The following GPHN variants were observed in gnomAD, a reference collection of about 807,000 sequenced individuals.
The protein encoded by GPHN is gephyrin.
Under a neutral mutation model 95.5 loss-of-function variants are expected in GPHN, and 17 were observed. That is an observed-to-expected ratio of 0.18 (90% CI 0.12 to 0.27). The LOEUF (loss-of-function observed/expected upper bound fraction) is 0.27, where lower values mean the gene tolerates loss of function less well. GPHN is among the 10% of genes least tolerant of loss of function. The pLI is 1.00. For missense variants in GPHN, 660 were observed against 978.1 expected, an observed-to-expected ratio of 0.67 and a Z score of 4.34; for synonymous variants, 320 against 322.5, an observed-to-expected ratio of 0.99 and a Z score of 0.08.
the GPHN span, among the ~76,000 whole-genome samples, chr14:67,701,572 C>CGCCA: frequency 6.6e-6 from 1 of 151,500 alleles, no homozygotes; most frequent in Non-Finnish European, 1.5e-5. Context: ...TACAGGCATG[C>CGCCA]GCCACCATAC....
chr14:67,391,239 T>C, the GPHN span, among the ~76,000 whole-genome samples: 6 of 151,826 alleles, frequency 4.0e-5, no homozygotes, highest in African/African-American at 1.5e-4. Context: ...CGATCAATTA[T>C]ATGATAAAAT....
At chr14:66,628,012 G>T (rs994359456) in intron 1 of GPHN, among the ~76,000 whole-genome samples, 1 of 152,030 alleles carries the variant, frequency 6.6e-6, no homozygotes, top group African/African-American at 2.4e-5. Context: ...GTCTTTTTGT[G>T]CCCTAAAAAG....
chr14:66,515,960 A>G (rs1363639633), intron 1 of GPHN, among the ~76,000 whole-genome samples: 1 of 152,162 alleles, frequency 6.6e-6, no homozygotes, highest in African/African-American at 2.4e-5. Flanking sequence ...TTAAGTAGAT[A>G]ACAAGTACAA....
At chr14:66,813,235 G>T (rs1290283757) in intron 3 of GPHN, among the ~76,000 whole-genome samples, 1 of 152,088 alleles carries the variant, frequency 6.6e-6, no homozygotes, top group Non-Finnish European at 1.5e-5. Flanking sequence ...TCAAACAAAT[G>T]ACAACAAAAA....
intron 8 of GPHN, among the ~76,000 whole-genome samples, chr14:66,951,360 A>G (rs777069208): frequency 7.9e-5 from 12 of 152,036 alleles, no homozygotes; most frequent in Non-Finnish European, 1.5e-4. Context: ...CTACTAAAAT[A>G]CAAAAATTAG....
At chr14:66,862,010 T>C (rs950793211) in intron 4 of GPHN, among the ~76,000 whole-genome samples, 1 of 151,840 alleles carries the variant, frequency 6.6e-6, no homozygotes, top group Non-Finnish European at 1.5e-5. Flanking sequence ...ATAAATGAAT[T>C]TGAAATGAAG....
chr14:66,764,648 G>A (rs2058894529), intron 2 of GPHN, among the ~76,000 whole-genome samples: 1 of 152,058 alleles, frequency 6.6e-6, no homozygotes, highest in African/African-American at 2.4e-5. Flanking sequence ...GGTCTAAAAA[G>A]TTAAGCACAG....
chr14:67,629,428 G>A, the GPHN span, among the ~76,000 whole-genome samples: 1 of 152,212 alleles, frequency 6.6e-6, no homozygotes, highest in African/African-American at 2.4e-5. Context: ...ATAAGCCAGT[G>A]ACAAAAGGAC....
At chr14:67,663,085 G>T in the GPHN span, 1 of 1,485,844 alleles carries the variant, frequency 6.7e-7, no homozygotes, top group Non-Finnish European at 8.9e-7. Flanking sequence ...GTGTGGCACC[G>T]GCAATGACTT....
At chr14:67,006,896 A>T (rs1469484628) in intron 9 of GPHN, among the ~76,000 whole-genome samples, 4 of 152,196 alleles carry the variant, frequency 2.6e-5, no homozygotes, top group Non-Finnish European at 2.9e-5. Context: ...CTTTTGGTCA[A>T]ATTAGGACTG....
At chr14:67,437,458 T>C in the GPHN span, among the ~76,000 whole-genome samples, 1 of 152,152 alleles carries the variant, frequency 6.6e-6, no homozygotes, top group African/African-American at 2.4e-5. Context: ...TTAGGAGATT[T>C]CCATTTTTGT....
At position 66,970,210 on chromosome 14, in the gene GPHN, A is replaced by G. The variant is rs188565601; in HGVS notation, c.963+4885A>G. ...AGATGTATTGAAATATCTTTATATG[A>G]GGGATATATACCTTTAATCCACTAA... On this transcript the variant is annotated intron_variant, in intron 9 of 22. Coordinates refer to ENST00000478722, the MANE Select transcript of GPHN (RefSeq NM_020806.5). Among the ~76,000 whole-genome samples, 390 of 152,048 alleles carry G rather than the reference A, an allele frequency of 2.6e-3. 3 individuals carry two copies. The highest frequency in any genetic ancestry group is 4.3e-3 in the Non-Finnish European group (291 of 67,966).
chr14:67,062,327 C>A (rs1161847869), intron 11 of GPHN, among the ~76,000 whole-genome samples: 1 of 152,154 alleles, frequency 6.6e-6, no homozygotes, highest in African/African-American at 2.4e-5. Flanking sequence ...TTTGGGGGAA[C>A]CAAAAGGCCT....
intron 1 of GPHN, among the ~76,000 whole-genome samples, chr14:66,538,392 C>T (rs2059219573): frequency 6.6e-6 from 1 of 151,328 alleles, no homozygotes; most frequent in South Asian, 2.1e-4. Flanking sequence ...CTACCCCAAT[C>T]TCTCTCTCCT....
chr14:67,091,983 G>A (rs1042888314), intron 12 of GPHN, among the ~76,000 whole-genome samples: 2 of 151,952 alleles, frequency 1.3e-5, no homozygotes, highest in African/African-American at 4.8e-5. Context: ...ACATATAAGA[G>A]CGACATAAGT....
chr14:67,340,088 G>C, the GPHN span: 1 of 172,982 alleles, frequency 5.8e-6, no homozygotes, highest in Non-Finnish European at 1.2e-5. Flanking sequence ...AAGGTAATGA[G>C]TTCTCTCTAT....
At chr14:67,037,895 G>A (rs751336672) in intron 10 of GPHN, among the ~76,000 whole-genome samples, 4 of 151,740 alleles carry the variant, frequency 2.6e-5, no homozygotes, top group East Asian at 1.9e-4. Flanking sequence ...ATAGTATGGC[G>A]TTTCTTCAAA....
intron 5 of GPHN, among the ~76,000 whole-genome samples, chr14:66,888,557 A>G (rs188956303): frequency 6.8e-4 from 104 of 152,276 alleles, no homozygotes; most frequent in African/African-American, 2.4e-3. Context: ...TGTAATCTTC[A>G]TAGTGGCCAC....
intron 19 of GPHN, among the ~76,000 whole-genome samples, chr14:67,160,222 A>G (rs990954618): frequency 6.6e-6 from 1 of 152,144 alleles, no homozygotes; most frequent in Non-Finnish European, 1.5e-5. Flanking sequence ...AAAATGGATC[A>G]TGTTTCCTGA....
Sources: allele counts gnomAD v4.1 joint callset (sites outside exome capture counted in the v4.1 genomes callset), GRCh38; gene constraint gnomAD v4.1.1; transcripts MANE v1.5; gene names NCBI Gene and HGNC (gene_info 2026-07-23, HGNC 2026-07-21).